The following PRR35 variants were observed in gnomAD, a reference collection of about 807,000 sequenced individuals.
The protein encoded by PRR35 is proline rich 35, also known as proline-rich protein 35.
Under a neutral mutation model 18.6 loss-of-function variants are expected in PRR35, and 14 were observed. The observed-to-expected ratio is 0.75, with a 90% CI of 0.50 to 1.18. PRR35 has a LOEUF of 1.18. Ranked by LOEUF, PRR35 falls within the 50% of genes most tolerant of loss-of-function variation. The probability of loss-of-function intolerance (pLI) is 0.00; values close to 1 mark genes in which losing one functional copy is unlikely to be tolerated. For synonymous variants in PRR35, 425 were observed against 378.2 expected, an observed-to-expected ratio of 1.12 and a Z score of -1.43; for missense variants, 832 against 792.2, an observed-to-expected ratio of 1.05 and a Z score of -0.60.
At position 564,954 on chromosome 16, in the gene PRR35, G is replaced by C. The variant is rs758473915; in HGVS notation, c.1363G>C (p.Glu455Gln). 1.2e-6 allele frequency: 2 copies of C among 1,605,554 alleles called. No homozygotes were observed. Among genetic ancestry groups the C allele is most frequent in the Non-Finnish European group, 1.7e-6 (2 of 1,178,200 alleles). ...GCTGCTCACCATTCACCAGGCGCTG[G>C]AGCAGGCCGTGAGGCCGCCAGACGC... Reference protein sequence around the residue: ...LELLTIHQALEQAVRPPDAPL... With the variant: ...LELLTIHQALQQAVRPPDAPL... Residue 455 changes from glutamate to glutamine, a missense_variant, in exon 3 of 3, where the codon GAG becomes CAG. Glu to Gln is a conservative substitution (Grantham distance 29). Coordinates refer to ENST00000409413, the MANE Select transcript of PRR35 (RefSeq NM_145270.3).
rs1267823018 is a variant in PRR35, at chr16:564,681, A to C, written c.1090A>C (p.Thr364Pro). The C allele has an allele frequency of 6.6e-7, 1 of 1,526,338 alleles. No homozygotes were observed. 94.5% of individuals were successfully genotyped at this position (1,526,338 alleles called of 1,614,324 possible). Residue 364 changes from threonine to proline, a missense_variant, in exon 3 of 3, where the codon ACC becomes CCC. Coordinates refer to ENST00000409413, the MANE Select transcript of PRR35 (RefSeq NM_145270.3). ...TRFCSRSSLPTGSSVMLWPED... is the reference protein window; with the variant it reads ...TRFCSRSSLPPGSSVMLWPED... ...CCAGCTTCCACCCCACAGCCTGCCC[A>C]CCGGCTCCTCTGTGATGCTGTGGCC...
rs765813190 is a variant in PRR35 at position 564,081 on chromosome 16, C to G, written c.787C>G (p.Arg263Gly). Residue 263 changes from arginine (R) to glycine (G), a missense_variant, in exon 2 of 3, where the codon CGC becomes GGC. This residue lies in a region of PRR35 where 768 missense variants were observed against 704.1 expected (regional missense o/e 1.09). Transcript: ENST00000409413. ...QPPQRPTPAP[R>G]LYYPLLLEHT... ...CCCTCAGCGCCCCACCCCGGCCCCC[C>G]GCCTGTACTACCCGCTGCTTCTGGA... 17 of 1,559,406 alleles carry G rather than the reference C, an allele frequency of 1.1e-5. No individual in the cohort carries two copies. In the South Asian group the frequency reaches 1.5e-4, roughly 14 times the overall value.
chr16:562,585 GCA>G (rs10581998), intron 1 of PRR35, among the ~76,000 whole-genome samples: 6 of 148,596 alleles, frequency 4.0e-5, no homozygotes, highest in South Asian at 4.2e-4. Context: ...ACGCACACAT[GCA>G]CACACACAGA....
In PRR35 at chr16:564,923, C is replaced by T. The variant is rs112511804; in HGVS notation, c.1332C>T (p.Arg444=). 1.2e-5 allele frequency: 19 copies of T among 1,601,218 alleles called. No homozygotes were observed. Among genetic ancestry groups the T allele is most frequent in the African/African-American group, 9.4e-5 (7 of 74,854 alleles). The change falls in exon 3 of 3, where the codon CGC becomes CGT. Residue 444 remains arginine (R), a synonymous_variant. Transcript: ENST00000409413. The part of the protein sequence containing the change: ...RPLREQLGKI[R]LELLTIHQAL... ...TGCGGGAGCAGCTGGGCAAGATCCG[C>T]CTGGAGCTGCTCACCATTCACCAGG...
chr16:564,807 G>A lies in PRR35; in HGVS notation c.1216G>A (p.Glu406Lys), dbSNP rs779034650. The A allele has an allele frequency of 6.6e-5, 103 of 1,558,428 alleles. No homozygotes were observed. The East Asian group carries it at 1.7e-3, about 26-fold the overall frequency. ...PVPGSPEHVG[E>K]DLTRALGDYA... Reference sequence around the variant, plus strand: ...GCCAGGAAGCCCGGAGCATGTGGGCGAGGACCTGACCCGAGCCCTCGGTGA... The same window carrying A: ...GCCAGGAAGCCCGGAGCATGTGGGCAAGGACCTGACCCGAGCCCTCGGTGA... Residue 406 changes from glutamate to lysine, a missense_variant, in exon 3 of 3, where the codon GAG becomes AAG. This residue lies in a region of PRR35 where 768 missense variants were observed against 704.1 expected (regional missense o/e 1.09). Coordinates refer to ENST00000409413, the MANE Select transcript of PRR35 (RefSeq NM_145270.3).
intron 1 of PRR35, among the ~76,000 whole-genome samples, chr16:563,006 C>T (rs550239304): frequency 3.2e-4 from 49 of 151,222 alleles, no homozygotes; most frequent in Non-Finnish European, 6.0e-4. Context: ...TGCTGCTGAT[C>T]GGCGTCAGAT....
chr16:563,642 C>A lies in PRR35; in HGVS notation c.348C>A (p.Leu116=), dbSNP rs200095541. The A allele has an allele frequency of 1.3e-6, 2 of 1,577,548 alleles. No homozygotes were observed. Among genetic ancestry groups the A allele is most frequent in the Admixed American group, 3.5e-5 (2 of 56,650 alleles). ...CAGGTGCTGCCCCCGCGCCTGACCT[C>A]GTGGTCGCCGACATCCACTCCCTGC... is the stretch of plus-strand genomic sequence containing the variant. ...RPTGAAPAPD[L]VVADIHSLHC... The change falls in exon 2 of 3, where the codon CTC becomes CTA. Residue 116 remains leucine, a synonymous_variant. Transcript: ENST00000409413.
rs1010589733 is a variant in PRR35, at chr16:564,762, C to G, written c.1171C>G (p.Leu391Val). The change falls in exon 3 of 3, where the codon CTG (leucine) becomes GTG (valine). Residue 391 changes from leucine to valine, a missense_variant. Physicochemically the swap from Leu to Val is conservative, Grantham distance 32 (BLOSUM62 1). Transcript: ENST00000409413. ...ETPGPEGPLP[L>V]QPRGPVPGSP... ...CCCCGGCCCTGAGGGCCCCCTCCCC[C>G]TGCAGCCACGGGGCCCAGTGCCAGG... The G allele has an allele frequency of 3.9e-6, 6 of 1,539,632 alleles. No homozygotes were observed. In the African/African-American group the frequency reaches 6.8e-5, roughly 18 times the overall value.
rs772833204 is a variant in PRR35 at position 563,934 on chromosome 16, C to G, written c.640C>G (p.Pro214Ala). 2.5e-5 allele frequency: 40 copies of G among 1,593,810 alleles called. No homozygotes were observed. The highest frequency in any genetic ancestry group is 3.2e-5 in the Non-Finnish European group (37 of 1,171,628). ...LHLSLLGVNY[P>A]LSPGLFSYLG... ...CCTGTCTCTGCTGGGCGTCAACTAC[C>G]CGCTCAGCCCCGGCCTCTTCTCCTA... is the stretch of plus-strand genomic sequence containing the variant. The change falls in exon 2 of 3, where the codon CCG (proline) becomes GCG (alanine). Residue 214 changes from proline (P) to alanine (A), a missense_variant. Pro to Ala is a conservative substitution (Grantham distance 27). This residue lies in a region of PRR35 where 768 missense variants were observed against 704.1 expected (regional missense o/e 1.09). Coordinates refer to ENST00000409413, the MANE Select transcript of PRR35 (RefSeq NM_145270.3).
At chr16:562,115 G>T (rs971669787) in intron 1 of PRR35, among the ~76,000 whole-genome samples, 1 of 152,204 alleles carries the variant, frequency 6.6e-6, no homozygotes, top group African/African-American at 2.4e-5. Flanking sequence ...ACACAGGCGC[G>T]TGCTGGGGCG....
Position 560,595 on chromosome 16 carries a change from G to A in PRR35, c.-106G>A, listed in dbSNP as rs1161633636. ...GTCGCGGCCGGCGCGGGGCGGGGAG[G>A]GGCGGGAAGTTTGCGCCCTACACGC... On this transcript the variant is annotated 5_prime_UTR_variant, in exon 1 of 3. Coordinates refer to ENST00000409413, the MANE Select transcript of PRR35 (RefSeq NM_145270.3). 3.1e-6 allele frequency: 3 copies of A among 983,264 alleles called. No homozygotes were observed. The African/African-American group carries it at 5.2e-5, about 17-fold the overall frequency. The allele number at this position is 983,264 out of a possible 1,614,324, so 60.9% of individuals were successfully genotyped here.
At chr16:562,853 G>T (rs2035462114) in intron 1 of PRR35, among the ~76,000 whole-genome samples, 1 of 152,216 alleles carries the variant, frequency 6.6e-6, no homozygotes, top group Non-Finnish European at 1.5e-5. Context: ...AGTCGGCCTG[G>T]CCTCAGGGGT....
Position 564,388 on chromosome 16 carries a change from G to A in PRR35, c.1082+12G>A. On this transcript the variant is annotated intron_variant, in intron 2 of 2. Transcript: ENST00000409413. Reference sequence around the variant, plus strand: ...TGTTCCCGGAGCAGGTGGGCGTCTTGGGCTCCCGGTTCCTGGGGTGGACGG... The same window carrying A: ...TGTTCCCGGAGCAGGTGGGCGTCTTAGGCTCCCGGTTCCTGGGGTGGACGG... 6.3e-7 allele frequency: 1 copy of A among 1,589,146 alleles called. No homozygotes were observed. Among genetic ancestry groups the A allele is most frequent in the Non-Finnish European group, 8.5e-7 (1 of 1,175,846 alleles).
rs868663524 is a variant in PRR35 at position 561,691 on chromosome 16, C to T, written c.-40+1030C>T. ...TCTCCAGCCCTGTTGGTCGTCCCCCCAACGGCACCAACACAGTGTTTTGGG... is the reference window on the plus strand; with the variant it reads ...TCTCCAGCCCTGTTGGTCGTCCCCCTAACGGCACCAACACAGTGTTTTGGG... On this transcript the variant is annotated intron_variant, in intron 1 of 2. Transcript: ENST00000409413. The T allele has an allele frequency of 4.3e-5, 42 of 978,500 alleles. 1 individual carries two copies. The highest frequency in any genetic ancestry group is 5.2e-4 in the Middle Eastern group (1 of 1,914). 60.6% of individuals were successfully genotyped at this position (978,500 alleles called of 1,614,324 possible).
In PRR35 at chr16:563,317, G is replaced by C. The variant is rs1378783051; in HGVS notation, c.23G>C (p.Cys8Ser). Residue 8 changes from cysteine (C) to serine (S), a missense_variant, in exon 2 of 3, where the codon TGC becomes TCC. Cys to Ser is a moderately radical substitution (Grantham distance 112). Around this residue, in one of 3 missense-constraint regions of PRR35, gnomAD observed 56 missense variants for 64.8 expected, o/e 0.86. Transcript: ENST00000409413. ...GCCATGTCGCGGGAGGCGGGCTCAT[G>C]CCGCGTGGGCACAGGGGCGAGGGCG... MSREAGS[C>S]RVGTGARARS... 5 of 1,609,628 alleles carry C rather than the reference G, an allele frequency of 3.1e-6. No individual in the cohort carries two copies. The highest frequency in any genetic ancestry group is 4.2e-6 in the Non-Finnish European group (5 of 1,178,810).
chr16:563,753 C>A lies in PRR35; in HGVS notation c.459C>A (p.Gly153=), dbSNP rs1443734981. 1.3e-6 allele frequency: 2 copies of A among 1,510,468 alleles called. No homozygotes were observed. Among genetic ancestry groups the A allele is most frequent in the Non-Finnish European group, 1.8e-6 (2 of 1,130,984 alleles). 93.6% of individuals were successfully genotyped at this position (1,510,468 alleles called of 1,614,324 possible). ...CTAGGGCCACCCGGAAGGGTCCCGG[C>A]CCCAGTGGGCTCCTGCCTGAGTCGT... ...PVARATRKGP[G]PSGLLPESWK... The change falls in exon 2 of 3, where the codon GGC becomes GGA. Residue 153 remains glycine (G), a synonymous_variant. Coordinates refer to ENST00000409413, the MANE Select transcript of PRR35 (RefSeq NM_145270.3).
In PRR35 at chr16:565,296, G is replaced by A. The variant is rs775769148; in HGVS notation, c.1705G>A (p.Ala569Thr). ...CTGTGGCCTGCAGAGCCCCCAGGGC[G>A]CCGAGGTCTGACCTGCAGCGCCTGA... ...AVCGLQSPQG[A>T]EV Residue 569 changes from alanine (A) to threonine (T), a missense_variant, in exon 3 of 3, where the codon GCC becomes ACC. Transcript: ENST00000409413. 3.4e-5 allele frequency: 52 copies of A among 1,513,192 alleles called. No individual in the cohort carries two copies. The highest frequency in any genetic ancestry group is 2.8e-4 in the South Asian group (21 of 75,854). The allele number at this position is 1,513,192 out of a possible 1,614,324, so 93.7% of individuals were successfully genotyped here.
Position 563,996 on chromosome 16 carries a change from C to G in PRR35, c.702C>G (p.Pro234=). Residue 234 remains proline (P), a synonymous_variant, in exon 2 of 3, where the codon CCC becomes CCG. Coordinates refer to ENST00000409413, the MANE Select transcript of PRR35 (RefSeq NM_145270.3). ...CACTGGCCGCTGCAGCCCATGTGCC[C>G]TTCCTGGCCTCGGCCAGCCCCCTGC... The part of the protein sequence containing the change: ...GPSLAAAAHV[P]FLASASPLLP... 1 of 1,600,906 alleles carries G rather than the reference C, an allele frequency of 6.2e-7. No individual in the cohort carries two copies.
In PRR35 at chr16:564,164, C is replaced by G; in HGVS notation, c.870C>G (p.Pro290=). The change falls in exon 2 of 3, where the codon CCC becomes CCG. Residue 290 remains proline, a synonymous_variant. Transcript: ENST00000409413. ...CCCTTGCCAAGGCCCCTGTCTCCCCCAGGAGCCCCTCTGGGACTCCGGCTC... is the reference window on the plus strand; with the variant it reads ...CCCTTGCCAAGGCCCCTGTCTCCCCGAGGAGCCCCTCTGGGACTCCGGCTC... ...KAALAKAPVS[P]RSPSGTPAPG... The G allele has an allele frequency of 6.4e-7, 1 of 1,566,544 alleles. No homozygotes were observed. The highest frequency in any genetic ancestry group is 8.6e-7 in the Non-Finnish European group (1 of 1,163,154).
Sources: allele counts gnomAD v4.1 joint callset (sites outside exome capture counted in the v4.1 genomes callset), GRCh38; gene constraint gnomAD v4.1.1; regional missense constraint gnomAD v4.1.1; transcripts MANE v1.5; gene names NCBI Gene and HGNC (gene_info 2026-07-23, HGNC 2026-07-21).